Variants in PSD3 observed in about 807,000 individuals in gnomAD.
PSD3 encodes the protein pleckstrin and Sec7 domain containing 3.
In PSD3, 49 loss-of-function variants were observed where a neutral mutation model predicts 105.5. That is an observed-to-expected ratio of 0.46 (90% CI 0.37 to 0.59). The LOEUF (loss-of-function observed/expected upper bound fraction) is 0.59. PSD3 is among the 20% of genes least tolerant of loss of function. The pLI is 0.00. For synonymous variants in PSD3, 557 were observed against 457.8 expected (o/e 1.22, Z -2.77); for missense variants, 1,561 against 1,263.8 (o/e 1.24, Z -3.57).
Position 18,652,787 on chromosome 8 carries a change from C to T in PSD3, c.2216+2855G>A, listed in dbSNP as rs114042486. ...TGTTGGGATTACAGGTGTCAGCGAC[C>T]GTGCCCAGCTGCTTAGCTCCTTTGC... On this transcript the variant is annotated intron_variant, in intron 10 of 15. Coordinates refer to ENST00000327040, the MANE Select transcript of PSD3 (RefSeq NM_015310.4). 7.6e-3 allele frequency among the ~76,000 whole-genome samples: 1,151 copies of T among 152,132 alleles called. 18 individuals are homozygous for T. Among genetic ancestry groups the T allele is most frequent in the African/African-American group, 0.027 (1,101 of 41,504 alleles).
At chr8:18,634,773 A>G (rs1191446258) in intron 10 of PSD3, among the ~76,000 whole-genome samples, 1 of 152,132 alleles carries the variant, frequency 6.6e-6, no homozygotes, top group East Asian at 1.9e-4. Flanking sequence ...CATCTTTCTC[A>G]GTGCTTTAGG....
chr8:18,823,490 T>C (rs541077834), intron 4 of PSD3, among the ~76,000 whole-genome samples: 36 of 152,258 alleles, frequency 2.4e-4, no homozygotes, highest in African/African-American at 8.4e-4. Context: ...TGAAAAGTCC[T>C]GCCCTATTGA....
chr8:19,038,650 C>T (rs1021694853), intron 1 of PSD3, among the ~76,000 whole-genome samples: 6 of 152,032 alleles, frequency 3.9e-5, no homozygotes, highest in African/African-American at 1.4e-4. Context: ...TTTGTAGAGA[C>T]AGGGTCTCGC....
rs1443180260 is a variant in PSD3 at position 18,765,558 on chromosome 8, T to G, written c.2083-20A>C. ...AATATTCTGAAACAGAGGCAAACAG[T>G]ACATCACTATGACATTCATGGAATT... On this transcript the variant is annotated intron_variant, in intron 8 of 15. Transcript: ENST00000327040. The G allele has an allele frequency of 1.3e-6, 2 of 1,498,010 alleles. No homozygotes were observed. The highest frequency in any genetic ancestry group is 2.3e-5 in the South Asian group (2 of 88,700). The allele number at this position is 1,498,010 out of a possible 1,614,324, so 92.8% of individuals were successfully genotyped here.
chr8:19,056,462 T>C (rs181271734), intron 1 of PSD3, among the ~76,000 whole-genome samples: 2 of 152,324 alleles, frequency 1.3e-5, no homozygotes, highest in African/African-American at 2.4e-5. Flanking sequence ...CATGGACAAA[T>C]TCCATGTACA....
chr8:18,838,659 G>C (rs1436537271), intron 4 of PSD3, among the ~76,000 whole-genome samples: 1 of 151,618 alleles, frequency 6.6e-6, no homozygotes, highest in South Asian at 2.1e-4. Context: ...AAATTAGCCG[G>C]GCGTGGTGGC....
At chr8:18,785,213 G>T (rs1392506451) in intron 8 of PSD3, among the ~76,000 whole-genome samples, 1 of 152,178 alleles carries the variant, frequency 6.6e-6, no homozygotes, top group Non-Finnish European at 1.5e-5. Flanking sequence ...TTGATTGGAA[G>T]TGTTTTATCA....
chr8:18,910,200 C>T (rs952341084), intron 2 of PSD3, among the ~76,000 whole-genome samples: 16 of 150,440 alleles, frequency 1.1e-4, no homozygotes, highest in African/African-American at 2.7e-4. Flanking sequence ...ATGTTTATTG[C>T]GGCACTATTC....
At chr8:18,694,247 C>T (rs998544428) in intron 9 of PSD3, among the ~76,000 whole-genome samples, 1 of 152,230 alleles carries the variant, frequency 6.6e-6, no homozygotes, top group African/African-American at 2.4e-5. Context: ...CTCTCCTCAT[C>T]TGCTACCACC....
intron 2 of PSD3, among the ~76,000 whole-genome samples, chr8:18,873,103 AAAT>A: frequency 6.6e-6 from 1 of 152,200 alleles, no homozygotes; most frequent in Admixed American, 6.5e-5. Flanking sequence ...ACAGCAACTA[AAAT>A]GTGTATATTG....
chr8:18,742,875 G>A (rs1804687050), intron 9 of PSD3, among the ~76,000 whole-genome samples: 1 of 152,156 alleles, frequency 6.6e-6, no homozygotes, highest in Non-Finnish European at 1.5e-5. Context: ...ATACACTAGA[G>A]TAATTAGTTA....
chr8:18,776,483 A>G (rs1808100652), intron 8 of PSD3, among the ~76,000 whole-genome samples: 1 of 151,594 alleles, frequency 6.6e-6, no homozygotes, highest in Non-Finnish European at 1.5e-5. Context: ...TCCTAGGTTC[A>G]AGTGATTCGT....
chr8:18,886,401 G>A (rs1586329361), intron 2 of PSD3, among the ~76,000 whole-genome samples: 1 of 152,048 alleles, frequency 6.6e-6, no homozygotes, highest in Non-Finnish European at 1.5e-5. Flanking sequence ...GGGCATCCCC[G>A]AATAAATGCA....
intron 11 of PSD3, among the ~76,000 whole-genome samples, chr8:18,617,444 T>C (rs1021453911): frequency 3.3e-5 from 5 of 152,062 alleles, no homozygotes; most frequent in African/African-American, 9.7e-5. Context: ...GGAAGGTGAA[T>C]CGCTTGAACT....
intron 11 of PSD3, among the ~76,000 whole-genome samples, chr8:18,618,842 G>T (rs1441024575): frequency 6.6e-6 from 1 of 152,008 alleles, no homozygotes. Context: ...TACCATGTTT[G>T]GCTAACTTTT....
chr8:18,781,203 A>G (rs1486023198), intron 8 of PSD3, among the ~76,000 whole-genome samples: 1 of 152,222 alleles, frequency 6.6e-6, no homozygotes, highest in Non-Finnish European at 1.5e-5. Context: ...TTTTTACTTA[A>G]GAGCATGTAC....
At chr8:18,977,682 T>C (rs1825019199) in intron 1 of PSD3, among the ~76,000 whole-genome samples, 1 of 152,154 alleles carries the variant, frequency 6.6e-6, no homozygotes, top group African/African-American at 2.4e-5. Context: ...CCAAAGTCAT[T>C]TTTATTAAAA....
At chr8:19,007,315 A>G (rs1826731693) in intron 1 of PSD3, among the ~76,000 whole-genome samples, 1 of 152,058 alleles carries the variant, frequency 6.6e-6, no homozygotes, top group South Asian at 2.1e-4. Flanking sequence ...CATCTATTAA[A>G]AAAGCACTTT....
chr8:18,992,616 G>A (rs546227345), intron 1 of PSD3, among the ~76,000 whole-genome samples: 2 of 152,290 alleles, frequency 1.3e-5, no homozygotes, highest in East Asian at 1.9e-4. Flanking sequence ...GGACTCAAGT[G>A]TGCCCTAATT....
Sources: gnomAD v4.1 joint callset for allele counts (sites outside exome capture counted in the v4.1 genomes callset) on GRCh38, gnomAD v4.1.1 for gene constraint, MANE v1.5 for transcripts, NCBI Gene and HGNC (gene_info 2026-07-23, HGNC 2026-07-21) for gene names.